The following ADGRV1 variants were observed in gnomAD, a reference collection of about 807,000 sequenced individuals.
The protein encoded by ADGRV1 is adhesion G protein-coupled receptor V1.
ADGRV1 carries 359 observed loss-of-function variants against 596.2 expected under a neutral mutation model. The ratio of observed to expected loss-of-function variants is 0.60; its 90% CI spans 0.55 to 0.66. The LOEUF is 0.66. Among genes scored for constraint, ADGRV1 ranks in the 30% least tolerant of loss-of-function variants. The pLI, the probability that ADGRV1 is intolerant of heterozygous loss-of-function variation, is 0.00. For synonymous variants in ADGRV1, 2,681 were observed against 2,679.2 expected, an observed-to-expected ratio of 1.00 and a Z score of -0.02; for missense variants, 7,274 against 7,575.6, an observed-to-expected ratio of 0.96 and a Z score of 1.48.
At chr5:91,001,232 C>G (rs1781833999) in intron 85 of ADGRV1, among the ~76,000 whole-genome samples, 1 of 152,042 alleles carries the variant, frequency 6.6e-6, no homozygotes, top group Non-Finnish European at 1.5e-5. Context: ...CATGTACCAC[C>G]ACACCTGGCT....
At chr5:90,756,201 A>G (rs1002283763) in intron 55 of ADGRV1, among the ~76,000 whole-genome samples, 2 of 152,158 alleles carry the variant, frequency 1.3e-5, no homozygotes, top group African/African-American at 2.4e-5. Context: ...ATAGATTTTT[A>G]AAAATTATTT....
intron 77 of ADGRV1, among the ~76,000 whole-genome samples, chr5:90,832,118 C>G (rs1374798534): frequency 6.6e-6 from 1 of 151,958 alleles, no homozygotes; most frequent in Non-Finnish European, 1.5e-5. Context: ...GGGTATATAC[C>G]TGGGAGTGGA....
intron 87 of ADGRV1, among the ~76,000 whole-genome samples, chr5:91,139,385 A>G (rs1426414889): frequency 1.3e-5 from 2 of 152,196 alleles, no homozygotes; most frequent in African/African-American, 4.8e-5. Context: ...CACTTGTGGG[A>G]CAAGAATAAG....
At chr5:91,061,201 A>C (rs993034864) in intron 85 of ADGRV1, among the ~76,000 whole-genome samples, 10 of 152,192 alleles carry the variant, frequency 6.6e-5, no homozygotes, top group African/African-American at 2.4e-4. Context: ...TTTATGAGAG[A>C]ACATAGAGCA....
intron 75 of ADGRV1, 101 bp from the exon 76 acceptor site, chr5:90,823,324 G>C (rs1763767602): frequency 8.4e-7 from 1 of 1,186,802 alleles, no homozygotes; most frequent in African/African-American, 1.5e-5. Context: ...GGTACCATTT[G>C]GTATACTTTG....
At chr5:90,811,391 G>T in intron 74 of ADGRV1, 53 bp downstream of exon 74, 2 of 1,437,070 alleles carry the variant, frequency 1.4e-6, no homozygotes, top group Non-Finnish European at 1.9e-6. Flanking sequence ...TACATAATTT[G>T]TATTAAGGTG....
At chr5:91,125,301 G>A (rs1374050924) in intron 87 of ADGRV1, among the ~76,000 whole-genome samples, 1 of 152,142 alleles carries the variant, frequency 6.6e-6, no homozygotes, top group East Asian at 1.9e-4. Flanking sequence ...CTCTAAAAGT[G>A]CATTTCATTC....
Position 90,694,630 on chromosome 5 carries a change from G to A in ADGRV1, c.7874G>A (p.Arg2625His), listed in dbSNP as rs201214794. The change falls in exon 33 of 90, where the codon CGT (arginine) becomes CAT (histidine). Residue 2625 changes from arginine (R) to histidine (H), a missense_variant. By Grantham distance (29) the Arg-to-His change is conservative. Around this residue, in one of 5 missense-constraint regions of ADGRV1, gnomAD observed 3,643 missense variants for 3,809.2 expected, o/e 0.96. Coordinates refer to ENST00000405460, the MANE Select transcript of ADGRV1 (RefSeq NM_032119.4). ...TTAGGTCAAGTGGCAGTCGAATGGC[G>A]TGTTGTTGGTGGAACAGCTACTGAA... The part of the protein sequence containing the change: ...GSLGQVAVEW[R>H]VVGGTATEGL... 3,553 of 1,613,486 alleles carry A rather than the reference G, an allele frequency of 2.2e-3. 11 individuals carry two copies. Among genetic ancestry groups the A allele is most frequent in the South Asian group, 2.7e-3 (242 of 91,038 alleles).
chr5:90,678,811 A>G (rs898643402), intron 25 of ADGRV1, among the ~76,000 whole-genome samples: 23 of 151,778 alleles, frequency 1.5e-4, no homozygotes, highest in Non-Finnish European at 2.8e-4. Flanking sequence ...ACAGGTCCCA[A>G]TTCTCAACAC....
intron 85 of ADGRV1, among the ~76,000 whole-genome samples, chr5:91,035,861 T>TAAAATA: frequency 3.1e-5 from 3 of 96,404 alleles, no homozygotes; most frequent in East Asian, 5.0e-4. Context: ...TATATATATA[T>TAAAATA]TATATATATA....
Position 90,934,561 on chromosome 5 carries a change from C to A in ADGRV1, c.17857-30854C>A, listed in dbSNP as rs568600148. Reference sequence around the variant, plus strand: ...TCCCTGGGCGTTTTGTTTGTGTCCTCCATCCTGAACCTTGTCCATGGGTAT... The same window carrying A: ...TCCCTGGGCGTTTTGTTTGTGTCCTACATCCTGAACCTTGTCCATGGGTAT... On this transcript the variant is annotated intron_variant, in intron 83 of 89. Transcript: ENST00000405460. Among the ~76,000 whole-genome samples, 7 of 152,246 alleles carry A rather than the reference C, an allele frequency of 4.6e-5. No homozygotes were observed. In the South Asian group the frequency reaches 1.5e-3, roughly 32 times the overall value.
intron 85 of ADGRV1, among the ~76,000 whole-genome samples, chr5:91,003,816 A>G (rs1192340599): frequency 6.6e-6 from 1 of 152,188 alleles, no homozygotes; most frequent in Non-Finnish European, 1.5e-5. Flanking sequence ...CAGTATGGGT[A>G]CATGTATTCT....
chr5:90,576,448 C>A (rs1289263233), intron 1 of ADGRV1, among the ~76,000 whole-genome samples: 1 of 152,084 alleles, frequency 6.6e-6, no homozygotes, highest in African/African-American at 2.4e-5. Context: ...TGAACTCATC[C>A]TTTTTTATGG....
chr5:90,565,657 GT>G lies in ADGRV1; in HGVS notation c.22+6748del, dbSNP rs537159557. On this transcript the variant is annotated intron_variant, in intron 1 of 89. Coordinates refer to ENST00000405460, the MANE Select transcript of ADGRV1 (RefSeq NM_032119.4). ...TGCTGCTTTAAGCATTTGTATACAA[GT>G]TTTTTTTGTGCTGACATAAGTTTTT... 4.2e-3 allele frequency among the ~76,000 whole-genome samples: 643 copies of G among 152,118 alleles called. 5 individuals carry two copies. Among genetic ancestry groups the G allele is most frequent in the Middle Eastern group, 0.02 (6 of 294 alleles).
At chr5:90,921,451 C>A (rs946027542) in intron 83 of ADGRV1, among the ~76,000 whole-genome samples, 5 of 152,168 alleles carry the variant, frequency 3.3e-5, no homozygotes, top group Non-Finnish European at 7.4e-5. Flanking sequence ...ATATTTTTCT[C>A]AGATCCAGGA....
At chr5:90,931,409 C>A (rs1298413355) in intron 83 of ADGRV1, among the ~76,000 whole-genome samples, 2 of 152,168 alleles carry the variant, frequency 1.3e-5, no homozygotes, top group Non-Finnish European at 2.9e-5. Flanking sequence ...CTTAATGAAG[C>A]TAGCTCACTT....
chr5:90,770,258 C>T (rs560177304), intron 59 of ADGRV1, among the ~76,000 whole-genome samples: 24 of 152,232 alleles, frequency 1.6e-4, no homozygotes, highest in Middle Eastern at 3.4e-3. Flanking sequence ...ACCATCAAAT[C>T]TTGTGAGTCT....
Position 90,683,721 on chromosome 5 carries a change from G to A in ADGRV1, c.5800G>A (p.Glu1934Lys), listed in dbSNP as rs924076283. 6.2e-7 allele frequency: 1 copy of A among 1,613,714 alleles called. No individual in the cohort carries two copies. The highest frequency in any genetic ancestry group is 8.5e-7 in the Non-Finnish European group (1 of 1,179,856). Residue 1934 changes from glutamate to lysine, a missense_variant, in exon 28 of 90, where the codon GAG (glutamate) becomes AAG (lysine). Transcript: ENST00000405460. The stretch of plus-strand genomic sequence containing the variant: ...GCAGACGAGCGCCAATATCACTGTG[G>A]AGATATTGCCTGACGAAGACCCAGA... Reference protein sequence around the residue: ...IGQTSANITVEILPDEDPELD... With the variant: ...IGQTSANITVKILPDEDPELD...
rs576106810 is a variant in ADGRV1 at position 90,749,309 on chromosome 5, T to C, written c.10975-1242T>C. Among the ~76,000 whole-genome samples the C allele has an allele frequency of 3.9e-5, 6 of 152,338 alleles. No homozygotes were observed. The South Asian group carries it at 1.2e-3, about 32-fold the overall frequency. ...CAGATAATGAGAATTTCTTGAATATTTTCTGGCTGCATGAAGTGCTCATTT... is the reference window on the plus strand; with the variant it reads ...CAGATAATGAGAATTTCTTGAATATCTTCTGGCTGCATGAAGTGCTCATTT... On this transcript the variant is annotated intron_variant, in intron 52 of 89. Transcript: ENST00000405460.
Sources: allele counts gnomAD v4.1 joint callset (sites outside exome capture counted in the v4.1 genomes callset), GRCh38; gene constraint gnomAD v4.1.1; regional missense constraint gnomAD v4.1.1; transcripts MANE v1.5; gene names NCBI Gene and HGNC (gene_info 2026-07-23, HGNC 2026-07-21).